SH3RF2: variants seen among roughly 807,000 people sequenced by gnomAD.
SH3RF2 encodes the protein SH3 domain containing ring finger 2, also known as E3 ubiquitin-protein ligase SH3RF2.
A neutral mutation model predicts 59.0 loss-of-function variants in SH3RF2; 43 were observed. That is an observed-to-expected ratio of 0.73 (90% CI 0.57 to 0.94). SH3RF2 has a LOEUF of 0.94. SH3RF2 is among the 40% of genes least tolerant of loss of function. The pLI, the probability that SH3RF2 is intolerant of heterozygous loss-of-function variation, is 0.00. For synonymous variants in SH3RF2, 391 were observed against 391.5 expected (o/e 1.00, Z 0.01); for missense variants, 930 against 940.1 (o/e 0.99, Z 0.14).
intron 8 of SH3RF2, among the ~76,000 whole-genome samples, chr5:146,059,285 A>G (rs1044158070): frequency 8.6e-5 from 13 of 151,572 alleles, no homozygotes; most frequent in African/African-American, 2.4e-4. Context: ...CTTGCCACTC[A>G]CCCTTTCTCC....
chr5:145,988,390 C>G (rs1162637540), intron 2 of SH3RF2, among the ~76,000 whole-genome samples: 2 of 151,880 alleles, frequency 1.3e-5, no homozygotes, highest in Non-Finnish European at 1.5e-5. Context: ...TAGAGGTTAT[C>G]TCCCAGGCAA....
downstream of SH3RF2, among the ~76,000 whole-genome samples, chr5:146,064,336 A>G (rs957222837): frequency 7.9e-5 from 12 of 152,000 alleles, no homozygotes; most frequent in African/African-American, 2.9e-4. Flanking sequence ...AGATGACCCC[A>G]CTAAGATGGA....
downstream of SH3RF2, among the ~76,000 whole-genome samples, chr5:146,064,664 G>A (rs1167919659): frequency 2.4e-4 from 1 of 4,252 alleles, no homozygotes; most frequent in East Asian, 8.2e-3. Context: ...GAGAGAGAAA[G>A]AGAAAGAAAG....
intron 5 of SH3RF2, among the ~76,000 whole-genome samples, chr5:146,036,576 T>C (rs1163752738): frequency 5.3e-5 from 8 of 152,060 alleles, no homozygotes; most frequent in Admixed American, 5.2e-4. Context: ...ACGCCTGTAA[T>C]CCCAGCTATT....
In SH3RF2 at chr5:145,938,136, G is replaced by T. The variant is rs150009220; in HGVS notation, c.208G>T (p.Val70Leu). 3.1e-6 allele frequency: 5 copies of T among 1,614,090 alleles called. No individual in the cohort carries two copies. Among genetic ancestry groups the T allele is most frequent in the African/African-American group, 1.3e-5 (1 of 74,942 alleles). ...IEALPANLLL[V>L]RLLDGVRSGQ... is the part of the protein sequence containing the mutation. ...GGCGCTGCCGGCCAACCTGCTGCTC[G>T]TGCGCCTTCTGGATGGAGTGCGCTC... is the stretch of plus-strand genomic sequence containing the variant. Residue 70 changes from valine (V) to leucine (L), a missense_variant, in exon 2 of 10, where the codon GTG becomes TTG. Val to Leu is a conservative substitution (Grantham distance 32). Transcript: ENST00000359120.
intron 5 of SH3RF2, among the ~76,000 whole-genome samples, chr5:146,041,542 G>A (rs1006348184): frequency 6.6e-6 from 1 of 152,188 alleles, no homozygotes; most frequent in African/African-American, 2.4e-5. Flanking sequence ...TCTATAGAAG[G>A]GAATGAGCTT....
intron 2 of SH3RF2, among the ~76,000 whole-genome samples, chr5:145,986,074 T>C (rs906708019): frequency 1.3e-5 from 2 of 151,878 alleles, no homozygotes; most frequent in African/African-American, 4.8e-5. Context: ...TTGGGAAGAA[T>C]GGTAAAAATC....
chr5:146,051,285 G>A (rs935520118), intron 7 of SH3RF2, among the ~76,000 whole-genome samples: 4 of 152,076 alleles, frequency 2.6e-5, no homozygotes, highest in Admixed American at 2.6e-4. Flanking sequence ...ATAATGAAGG[G>A]TTTAGCTTTA....
At chr5:145,971,616 T>C (rs1265268410) in intron 2 of SH3RF2, among the ~76,000 whole-genome samples, 1 of 152,106 alleles carries the variant, frequency 6.6e-6, no homozygotes, top group Non-Finnish European at 1.5e-5. Flanking sequence ...AGCAGAAATA[T>C]AAAGCATGCA....
chr5:146,028,305 A>G (rs2150002204), intron 5 of SH3RF2, among the ~76,000 whole-genome samples: 1 of 152,304 alleles, frequency 6.6e-6, no homozygotes, highest in African/African-American at 2.4e-5. Context: ...GCATTCTGGG[A>G]ACAAAGAGGG....
intron 5 of SH3RF2, among the ~76,000 whole-genome samples, chr5:146,038,711 A>G (rs7706656): frequency 0.33 from 50,335 of 152,086 alleles, 8,837 homozygotes; most frequent in Non-Finnish European, 0.39. Context: ...TGGATGGGAC[A>G]ACTTAATATT....
intron 2 of SH3RF2, among the ~76,000 whole-genome samples, chr5:145,964,614 G>T (rs751940603): frequency 6.6e-5 from 10 of 152,090 alleles, no homozygotes; most frequent in African/African-American, 2.4e-4. Context: ...GCCAGTTTTG[G>T]TTTTTTTATT....
chr5:145,964,368 G>A (rs1301513214), intron 2 of SH3RF2, among the ~76,000 whole-genome samples: 57 of 141,716 alleles, frequency 4.0e-4, no homozygotes, highest in Admixed American at 2.3e-3. Context: ...GTGCAGTGGC[G>A]CCATCTCAGC....
intron 2 of SH3RF2, among the ~76,000 whole-genome samples, chr5:145,947,629 G>A (rs1008217937): frequency 3.3e-5 from 5 of 152,106 alleles, no homozygotes; most frequent in Non-Finnish European, 5.9e-5. Flanking sequence ...AAAAATCATG[G>A]CATCACTTGG....
chr5:146,058,901 A>G (rs1762777230), intron 8 of SH3RF2, among the ~76,000 whole-genome samples: 1 of 152,054 alleles, frequency 6.6e-6, no homozygotes, highest in Admixed American at 6.6e-5. Flanking sequence ...AAAGAAAAAC[A>G]ATGAGCTCAG....
At chr5:145,975,695 G>A (rs896316262) in intron 2 of SH3RF2, among the ~76,000 whole-genome samples, 1 of 152,200 alleles carries the variant, frequency 6.6e-6, no homozygotes, top group Non-Finnish European at 1.5e-5. Context: ...GAACCGTGTT[G>A]AGTTCAAACT....
chr5:146,076,868 A>T (rs1471328931), intron 9 of SH3RF2, among the ~76,000 whole-genome samples: 1 of 152,156 alleles, frequency 6.6e-6, no homozygotes, highest in East Asian at 1.9e-4. Context: ...AGACTTCCAC[A>T]AACCGCTTGT....
intron 4 of SH3RF2, among the ~76,000 whole-genome samples, chr5:146,008,738 G>T (rs1053049416): frequency 1.3e-5 from 2 of 152,178 alleles, no homozygotes; most frequent in African/African-American, 4.8e-5. Context: ...ACATAGGAGA[G>T]TTCCAATAGT....
In SH3RF2 at chr5:146,060,009, G is replaced by A; in HGVS notation, c.1699G>A (p.Val567Met). 4 of 1,603,384 alleles carry A rather than the reference G, an allele frequency of 2.5e-6. No individual in the cohort carries two copies. The highest frequency in any genetic ancestry group is 3.4e-6 in the Non-Finnish European group (4 of 1,174,166). The change falls in exon 9 of 10, where the codon GTG becomes ATG. Residue 567 changes from valine to methionine, a missense_variant. Coordinates refer to ENST00000359120, the MANE Select transcript of SH3RF2 (RefSeq NM_152550.4). Reference protein sequence around the residue: ...QGIPSSPSAVVVEMGSKPALT... With the variant: ...QGIPSSPSAVMVEMGSKPALT... ...GATCCCCTCCTCCCCCTCAGCCGTG[G>A]TGGTGGAGATGGGGTCCAAGCCTGC...
Sources: gnomAD v4.1 joint callset for allele counts (sites outside exome capture counted in the v4.1 genomes callset) on GRCh38, gnomAD v4.1.1 for gene constraint, MANE v1.5 for transcripts, NCBI Gene and HGNC (gene_info 2026-07-23, HGNC 2026-07-21) for gene names.